DLG2: variants seen among roughly 807,000 people sequenced by gnomAD.
DLG2 encodes disks large homolog 2.
A neutral mutation model predicts 132.5 loss-of-function variants in DLG2; 45 were observed. That is an observed-to-expected ratio of 0.34 (90% CI 0.27 to 0.44). The LOEUF (loss-of-function observed/expected upper bound fraction) is 0.44, where lower values mean the gene tolerates loss of function less well. Among genes scored for constraint, DLG2 ranks in the 20% least tolerant of loss-of-function variants. The pLI, the probability that DLG2 is intolerant of heterozygous loss-of-function variation, is 1.00. For missense variants in DLG2, 1,045 were observed against 1,196.9 expected (o/e 0.87, Z 1.87); for synonymous variants, 424 against 419.6 (o/e 1.01, Z -0.13).
chr11:84,574,504 G>C (rs2099494216), intron 6 of DLG2, among the ~76,000 whole-genome samples: 1 of 152,088 alleles, frequency 6.6e-6, no homozygotes, highest in Admixed American at 6.6e-5. Context: ...ATATCAATTA[G>C]AGTTTTACAT....
At chr11:85,018,592 G>T (rs1009187553) in intron 6 of DLG2, among the ~76,000 whole-genome samples, 3 of 152,076 alleles carry the variant, frequency 2.0e-5, no homozygotes, top group Admixed American at 1.3e-4. Flanking sequence ...TTAGAACAGA[G>T]ATATCCCTTT....
chr11:83,850,949 G>GTT (rs2059634266), intron 16 of DLG2, among the ~76,000 whole-genome samples: 2 of 152,122 alleles, frequency 1.3e-5, no homozygotes, highest in Non-Finnish European at 2.9e-5. Flanking sequence ...GGCCGAGGCG[G>GTT]GCAGATCACG....
intron 6 of DLG2, among the ~76,000 whole-genome samples, chr11:85,042,081 A>G (rs2061920609): frequency 6.6e-6 from 1 of 151,902 alleles, no homozygotes; most frequent in South Asian, 2.1e-4. Context: ...ATCTATCAAA[A>G]TTGGAAAAAA....
chr11:83,946,320 G>GGAC (rs2083955494), intron 14 of DLG2, among the ~76,000 whole-genome samples: 1 of 152,124 alleles, frequency 6.6e-6, no homozygotes, highest in South Asian at 2.1e-4. Flanking sequence ...TGAGGTCAAA[G>GGAC]ACACAATGAA....
At chr11:84,502,367 T>A (rs566683983) in intron 7 of DLG2, among the ~76,000 whole-genome samples, 3 of 83,738 alleles carry the variant, frequency 3.6e-5, no homozygotes, top group Non-Finnish European at 6.6e-5. Context: ...TCTTTCTTTC[T>A]TTCTTTCTTT....
chr11:85,400,476 T>TAAAG (rs2087945030), intron 3 of DLG2, among the ~76,000 whole-genome samples: 1 of 149,266 alleles, frequency 6.7e-6, no homozygotes. Flanking sequence ...TAAAGACACA[T>TAAAG]GCACACGTAT....
chr11:84,737,540 T>C (rs2064013693), intron 6 of DLG2, among the ~76,000 whole-genome samples: 1 of 151,480 alleles, frequency 6.6e-6, no homozygotes, highest in Non-Finnish European at 1.5e-5. Context: ...GTGATGTGTA[T>C]GTATTTTTGT....
intron 3 of DLG2, among the ~76,000 whole-genome samples, chr11:85,297,033 T>C (rs551255981): frequency 1.7e-4 from 26 of 151,712 alleles, no homozygotes; most frequent in African/African-American, 6.3e-4. Context: ...ATTTTAAATT[T>C]TATGATCTAC....
chr11:84,228,544 A>T (rs1262824675), intron 8 of DLG2, among the ~76,000 whole-genome samples: 1 of 152,200 alleles, frequency 6.6e-6, no homozygotes, highest in Non-Finnish European at 1.5e-5. Context: ...CTAAGAAATG[A>T]AGCCCACATA....
intron 6 of DLG2, among the ~76,000 whole-genome samples, chr11:84,676,610 C>A (rs1028530271): frequency 1.3e-5 from 2 of 151,984 alleles, no homozygotes; most frequent in Non-Finnish European, 2.9e-5. Flanking sequence ...CTTCTAGGTG[C>A]CTTGAAATAT....
At chr11:85,309,447 A>G (rs2152806159) in intron 3 of DLG2, among the ~76,000 whole-genome samples, 1 of 148,322 alleles carries the variant, frequency 6.7e-6, no homozygotes, top group South Asian at 2.1e-4. Context: ...AAAAAAAATT[A>G]GCATGAAGTC....
chr11:83,532,851 T>A (rs760557720), intron 20 of DLG2, 68 bp from the exon 21 acceptor site: 454 of 1,351,560 alleles, frequency 3.4e-4, no homozygotes, highest in Non-Finnish European at 4.6e-4. Context: ...CCATATTAAG[T>A]GAAGAACATT....
At chr11:84,204,302 G>C (rs2096637307) in intron 8 of DLG2, among the ~76,000 whole-genome samples, 1 of 152,186 alleles carries the variant, frequency 6.6e-6, no homozygotes. Flanking sequence ...GGGATGTACA[G>C]CATAGGTAAG....
At chr11:84,291,192 G>A (rs2097990545) in intron 7 of DLG2, among the ~76,000 whole-genome samples, 2 of 151,908 alleles carry the variant, frequency 1.3e-5, no homozygotes. Context: ...ACTGACCATT[G>A]ACCAAAAACA....
At chr11:85,246,920 T>C (rs1273609353) in intron 4 of DLG2, among the ~76,000 whole-genome samples, 1 of 152,114 alleles carries the variant, frequency 6.6e-6, no homozygotes, top group Admixed American at 6.6e-5. Flanking sequence ...GCATTGCTGT[T>C]TTTGCTGGGG....
intron 6 of DLG2, among the ~76,000 whole-genome samples, chr11:84,628,985 T>C (rs911571510): frequency 1.3e-5 from 2 of 152,166 alleles, no homozygotes; most frequent in African/African-American, 4.8e-5. Context: ...GTCAGTTCAT[T>C]TGTCTAGAAC....
chr11:84,678,439 A>G (rs1443844223), intron 6 of DLG2, among the ~76,000 whole-genome samples: 1 of 152,084 alleles, frequency 6.6e-6, no homozygotes, highest in Non-Finnish European at 1.5e-5. Context: ...ATGGAGGTGA[A>G]TAAGAGCATG....
intron 7 of DLG2, among the ~76,000 whole-genome samples, chr11:84,503,601 A>G (rs1567811368): frequency 6.6e-6 from 1 of 152,158 alleles, no homozygotes; most frequent in African/African-American, 2.4e-5. Flanking sequence ...TCTGTGGCCA[A>G]GCTACCCTCA....
In DLG2 at chr11:85,463,989, T is replaced by TACACACACACACACACACACAC. The variant is rs374003945; in HGVS notation, c.40+134667_40+134668insGTGTGTGTGTGTGTGTGTGTGT. On this transcript the variant is annotated intron_variant, in intron 3 of 27. Coordinates refer to ENST00000376104, the MANE Select transcript of DLG2 (RefSeq NM_001142699.3). ...ATTATGCACCATATAGACATACATG[T>TACACACACACACACACACACAC]ACACACACACACACATACACACACA... Among the ~76,000 whole-genome samples the TACACACACACACACACACACAC allele has an allele frequency of 1.6e-3, 225 of 139,406 alleles. 2 individuals are homozygous for TACACACACACACACACACACAC. The Middle Eastern group carries it at 0.029, about 18-fold the overall frequency. 91.5% of individuals were successfully genotyped at this position (139,406 alleles called of 152,430 possible).
Sources: allele counts gnomAD v4.1 joint callset (sites outside exome capture counted in the v4.1 genomes callset), GRCh38; gene constraint gnomAD v4.1.1; transcripts MANE v1.5; gene names NCBI Gene and HGNC (gene_info 2026-07-23, HGNC 2026-07-21).